Variants in NRG3 observed in about 807,000 individuals in gnomAD.
NRG3 encodes pro-neuregulin-3, membrane-bound isoform.
Under a neutral mutation model 66.9 loss-of-function variants are expected in NRG3, and 31 were observed. The ratio of observed to expected loss-of-function variants is 0.46; its 90% CI spans 0.35 to 0.63. The LOEUF is 0.63. NRG3 is among the 20% of genes least tolerant of loss of function. NRG3 has a pLI of 0.00. For synonymous variants in NRG3, 393 were observed against 359.4 expected, an observed-to-expected ratio of 1.09 and a Z score of -1.06; for missense variants, 910 against 878.9, an observed-to-expected ratio of 1.04 and a Z score of -0.45.
chr10:82,949,539 A>C (rs1185176580), intron 4 of NRG3, among the ~76,000 whole-genome samples: 1 of 152,086 alleles, frequency 6.6e-6, no homozygotes, highest in Non-Finnish European at 1.5e-5. Context: ...TATGCATGAG[A>C]AATACCTGAA....
chr10:82,179,652 A>C lies in NRG3; in HGVS notation c.824-179087A>C, dbSNP rs546320754. The stretch of plus-strand genomic sequence containing the variant: ...TATTTTTTTATTACTGTAGCTTTGT[A>C]ATATGTTTTGAAATTACAGAGTATG... On this transcript the variant is annotated intron_variant, in intron 1 of 8. Transcript: ENST00000372141. Among the ~76,000 whole-genome samples the C allele has an allele frequency of 1.3e-3, 197 of 151,876 alleles. 1 individual carries two copies. Among genetic ancestry groups the C allele is most frequent in the African/African-American group, 4.4e-3 (181 of 41,488 alleles).
intron 2 of NRG3, among the ~76,000 whole-genome samples, chr10:82,473,949 G>A (rs563954877): frequency 1.3e-5 from 2 of 152,210 alleles, no homozygotes; most frequent in Admixed American, 6.5e-5. Flanking sequence ...AGAAGTAGGG[G>A]TGTGACTCTT....
At chr10:82,966,377 T>C (rs1851210123) in intron 6 of NRG3, among the ~76,000 whole-genome samples, 1 of 152,168 alleles carries the variant, frequency 6.6e-6, no homozygotes, top group Non-Finnish European at 1.5e-5. Flanking sequence ...AGGATGCCCC[T>C]TTATTGGAAT....
At chr10:82,531,968 A>G (rs950661205) in intron 2 of NRG3, among the ~76,000 whole-genome samples, 6 of 151,686 alleles carry the variant, frequency 4.0e-5, no homozygotes, top group African/African-American at 1.2e-4. Flanking sequence ...GGAAACCACT[A>G]TTTCACAATT....
intron 2 of NRG3, among the ~76,000 whole-genome samples, chr10:82,384,350 T>C (rs1334711982): frequency 6.6e-6 from 1 of 152,192 alleles, no homozygotes; most frequent in Non-Finnish European, 1.5e-5. Flanking sequence ...TATGTAAAAA[T>C]GTGCCATGGT....
At chr10:82,226,746 T>A (rs562479104) in intron 1 of NRG3, among the ~76,000 whole-genome samples, 1 of 152,304 alleles carries the variant, frequency 6.6e-6, no homozygotes, top group South Asian at 2.1e-4. Context: ...AAACTGAGAT[T>A]CAAATTGCTC....
At chr10:82,386,808 A>ATTTT (rs1010027800) in intron 2 of NRG3, among the ~76,000 whole-genome samples, 13 of 151,644 alleles carry the variant, frequency 8.6e-5, no homozygotes, top group African/African-American at 2.9e-4. Context: ...TTATTTATTT[A>ATTTT]TTTATTTTTG....
intron 4 of NRG3, among the ~76,000 whole-genome samples, chr10:82,931,653 G>T (rs976247188): frequency 6.6e-6 from 1 of 152,116 alleles, no homozygotes. Context: ...GTCCTTGAGG[G>T]CCAAGGTTAT....
At chr10:81,948,713 C>G (rs1343852446) in intron 1 of NRG3, among the ~76,000 whole-genome samples, 2 of 152,298 alleles carry the variant, frequency 1.3e-5, no homozygotes, top group East Asian at 3.9e-4. Flanking sequence ...TCAGTTTTCT[C>G]AAAGTGTGAA....
chr10:82,317,198 A>T (rs551047335), intron 1 of NRG3, among the ~76,000 whole-genome samples: 4 of 149,738 alleles, frequency 2.7e-5, no homozygotes, highest in Non-Finnish European at 4.4e-5. Context: ...TCTAAGGTAG[A>T]ATAGATTTTT....
chr10:82,849,395 C>T (rs2063460246), intron 3 of NRG3, among the ~76,000 whole-genome samples: 3 of 152,214 alleles, frequency 2.0e-5, no homozygotes, highest in Admixed American at 2.0e-4. Context: ...AAGCCCTCTA[C>T]TTTCTGGTGC....
chr10:82,837,507 A>G (rs986136800), intron 3 of NRG3, among the ~76,000 whole-genome samples: 17 of 152,158 alleles, frequency 1.1e-4, no homozygotes, highest in Non-Finnish European at 2.1e-4. Flanking sequence ...ATAATTATTA[A>G]AGAAGGAAAA....
At chr10:82,915,827 T>C (rs976343378) in intron 4 of NRG3, among the ~76,000 whole-genome samples, 7 of 152,170 alleles carry the variant, frequency 4.6e-5, no homozygotes, top group Non-Finnish European at 1.0e-4. Flanking sequence ...ATTATAAACA[T>C]TGGGGAATAT....
At chr10:82,489,348 G>A (rs1590320904) in intron 2 of NRG3, among the ~76,000 whole-genome samples, 2 of 152,144 alleles carry the variant, frequency 1.3e-5, no homozygotes, top group African/African-American at 4.8e-5. Flanking sequence ...CTTTGTTTAG[G>A]TTCATCTGAA....
At chr10:82,367,752 A>G (rs1348135817) in intron 2 of NRG3, among the ~76,000 whole-genome samples, 2 of 152,080 alleles carry the variant, frequency 1.3e-5, no homozygotes, top group African/African-American at 2.4e-5. Flanking sequence ...CCCAGAACTT[A>G]GGAGGCTGAG....
At chr10:82,640,583 A>G (rs912710333) in intron 2 of NRG3, among the ~76,000 whole-genome samples, 1 of 152,208 alleles carries the variant, frequency 6.6e-6, no homozygotes, top group African/African-American at 2.4e-5. Flanking sequence ...GGAATATAGC[A>G]AGGACACCTC....
At chr10:82,119,435 C>T (rs545982894) in intron 1 of NRG3, among the ~76,000 whole-genome samples, 1 of 152,194 alleles carries the variant, frequency 6.6e-6, no homozygotes, top group East Asian at 1.9e-4. Context: ...TTAATCTTCA[C>T]AATAGCCATG....
intron 1 of NRG3, among the ~76,000 whole-genome samples, chr10:82,332,843 A>T (rs189649388): frequency 2.0e-5 from 3 of 152,316 alleles, no homozygotes; most frequent in African/African-American, 7.2e-5. Flanking sequence ...GCCAAATCCA[A>T]TCTCTTGAGG....
chr10:82,502,981 T>C (rs1285641177), intron 2 of NRG3, among the ~76,000 whole-genome samples: 3 of 152,196 alleles, frequency 2.0e-5, no homozygotes, highest in African/African-American at 7.2e-5. Context: ...TTGTCTGATA[T>C]GTTGTGAAGA....
Sources: gnomAD v4.1 joint callset for allele counts (sites outside exome capture counted in the v4.1 genomes callset) on GRCh38, gnomAD v4.1.1 for gene constraint, MANE v1.5 for transcripts, NCBI Gene and HGNC (gene_info 2026-07-23, HGNC 2026-07-21) for gene names.